Variants in OXA1L observed in about 807,000 individuals in gnomAD.
OXA1L encodes the protein OXA1L mitochondrial inner membrane insertase, also known as mitochondrial inner membrane protein OXA1L.
Under a neutral mutation model 52.2 loss-of-function variants are expected in OXA1L, and 42 were observed. The ratio of observed to expected loss-of-function variants is 0.80; its 90% CI spans 0.63 to 1.04. OXA1L has a LOEUF of 1.04. Ranked by LOEUF, OXA1L falls within the 50% of genes least tolerant of loss-of-function variation. The pLI is 0.00. For synonymous variants in OXA1L, 239 were observed against 201.9 expected (o/e 1.18, Z -1.56); for missense variants, 572 against 555.0 (o/e 1.03, Z -0.31).
At position 22,770,794 on chromosome 14, in the gene OXA1L, TC is replaced by T. The variant is rs1221473850; in HGVS notation, c.835-10del. Reference sequence around the variant, plus strand: ...GCTTTCCCGACTTTTCCACCCCACTTCTTTTGGCAGCTAGGTGCTGAGACAG... The same window carrying T: ...GCTTTCCCGACTTTTCCACCCCACTTTTTTGGCAGCTAGGTGCTGAGACAG... On this transcript the variant is annotated splice_polypyrimidine_tract_variant and intron_variant, in intron 6 of 9. Transcript: ENST00000612549. 1.2e-6 allele frequency: 2 copies of T among 1,612,776 alleles called. No individual in the cohort carries two copies. Among genetic ancestry groups the T allele is most frequent in the Non-Finnish European group, 1.7e-6 (2 of 1,178,854 alleles).
Position 22,766,753 on chromosome 14 carries a change from TCCGG to T in OXA1L, c.53_56del (p.Ser18CysfsTer18). The T allele has an allele frequency of 6.2e-7, 1 of 1,614,200 alleles. No individual in the cohort carries two copies. The highest frequency in any genetic ancestry group is 8.5e-7 in the Non-Finnish European group (1 of 1,180,042). Reference sequence around the variant, plus strand: ...CCGGGAGCTTCTGCGCTTGCTACAGTCCGGGCGTCGGGTAAGGATGCCCCGGGGC... The same window carrying T: ...CCGGGAGCTTCTGCGCTTGCTACAGTGCGTCGGGTAAGGATGCCCCGGGGC... On this transcript the variant is annotated frameshift_variant, in exon 1 of 10. Transcript: ENST00000612549. LOFTEE classifies it high-confidence loss of function.
At chr14:22,767,816 G>T (rs1241532382) in intron 2 of OXA1L, 142 bp from the exon 3 acceptor site, 1 of 608,316 alleles carries the variant, frequency 1.6e-6, no homozygotes, top group Non-Finnish European at 2.8e-6. Flanking sequence ...TCCTTTTTAA[G>T]CTTGAAATCT....
Position 22,771,299 on chromosome 14 carries a change from G to A in OXA1L, c.1134G>A (p.Leu378=). 2 of 1,614,202 alleles carry A rather than the reference G, an allele frequency of 1.2e-6. No homozygotes were observed. The highest frequency in any genetic ancestry group is 1.7e-6 in the Non-Finnish European group (2 of 1,180,010). Residue 378 remains leucine, a synonymous_variant, in exon 9 of 10, where the codon CTG becomes CTA. Transcript: ENST00000612549. The stretch of plus-strand genomic sequence containing the variant: ...AAAATGCTGAAATGACGCGTCAGCT[G>A]CGAGAGCGTGAACAACGCATGCGGA... ...GWKNAEMTRQ[L]REREQRMRNQ... is the part of the protein sequence containing the mutation.
chr14:22,766,932 T>G lies in OXA1L; in HGVS notation c.63+168T>G, dbSNP rs1594937423. ...GCGCTAGGGTTAGTCCCCGACACTATGGGCCCAGCAGCCCGGTGTCAGCTT... is the reference window on the plus strand; with the variant it reads ...GCGCTAGGGTTAGTCCCCGACACTAGGGGCCCAGCAGCCCGGTGTCAGCTT... On this transcript the variant is annotated intron_variant, in intron 1 of 9. Transcript: ENST00000612549. 32 of 1,513,164 alleles carry G rather than the reference T, an allele frequency of 2.1e-5. No homozygotes were observed. The East Asian group carries it at 7.8e-4, about 37-fold the overall frequency. The allele number at this position is 1,513,164 out of a possible 1,614,324, so 93.7% of individuals were successfully genotyped here. A position where few individuals can be genotyped will look rare whatever the true frequency, so the allele number is the denominator to read the frequency against.
chr14:22,767,030 A>G (rs2038411864), intron 1 of OXA1L: 1 of 1,535,948 alleles, frequency 6.5e-7, no homozygotes, highest in Non-Finnish European at 8.7e-7. Context: ...GGTCTGCGAT[A>G]ACTGAGATGC....
rs759601857 is a variant in OXA1L, at chr14:22,767,348, T to C, written c.164T>C (p.Phe55Ser). Residue 55 changes from phenylalanine to serine, a missense_variant, in exon 2 of 10, where the codon TTC (phenylalanine) becomes TCC (serine). By Grantham distance (155) the Phe-to-Ser change is radical. Transcript: ENST00000612549. ...TGCTGCTGTCGCCCACACTACCTCTTCCTTGCGGCTTCCGGCCCCCGCAGC... is the reference window on the plus strand; with the variant it reads ...TGCTGCTGTCGCCCACACTACCTCTCCCTTGCGGCTTCCGGCCCCCGCAGC... ...APCCCRPHYL[F>S]LAASGPRSLS... The C allele has an allele frequency of 3.1e-6, 5 of 1,613,790 alleles. No homozygotes were observed. The highest frequency in any genetic ancestry group is 4.2e-6 in the Non-Finnish European group (5 of 1,179,934).
intron 1 of OXA1L, 200 bp from the exon 2 acceptor site, chr14:22,767,048 C>G: frequency 6.5e-7 from 1 of 1,536,136 alleles, no homozygotes; most frequent in Non-Finnish European, 8.7e-7. Context: ...TGCGGGGAAC[C>G]CAGGTTCGAG....
At position 22,771,425 on chromosome 14, in the gene OXA1L, T is replaced by A. The variant is rs994831624; in HGVS notation, c.1184-9T>A. The stretch of plus-strand genomic sequence containing the variant: ...CTTCGTTGAAATTTGTTTTCTCTTC[T>A]CCCCTCAGGTCCTTTACGACAGACC... On this transcript the variant is annotated splice_polypyrimidine_tract_variant and intron_variant, in intron 9 of 9. Transcript: ENST00000612549. 1 of 1,613,930 alleles carries A rather than the reference T, an allele frequency of 6.2e-7. No individual in the cohort carries two copies. Among genetic ancestry groups the A allele is most frequent in the Non-Finnish European group, 8.5e-7 (1 of 1,179,934 alleles).
Position 22,769,685 on chromosome 14 carries a change from T to C in OXA1L, c.440-106T>C, listed in dbSNP as rs140579172. On this transcript the variant is annotated intron_variant, in intron 3 of 9. Transcript: ENST00000612549. ...GGCCTCTTAGGCATGAGTCATAGAA[T>C]GGACAAGGCAAGAATAAGACCCTTT... 1.6e-5 allele frequency: 19 copies of C among 1,204,654 alleles called. No individual in the cohort carries two copies. In the East Asian group the frequency reaches 3.8e-4, roughly 24 times the overall value. The allele number at this position is 1,204,654 out of a possible 1,614,324, so 74.6% of individuals were successfully genotyped here. A position where few individuals can be genotyped will look rare whatever the true frequency, so the allele number is the denominator to read the frequency against.
rs2038423607 is a variant in OXA1L at position 22,767,953 on chromosome 14, C to T, written c.226-5C>T. ...AAATATAATACAAGGCTTTCTTTCA[C>T]ACAGGTTCAGGCCCCTCCTGTTGTT... On this transcript the variant is annotated splice_region_variant and splice_polypyrimidine_tract_variant and intron_variant, in intron 2 of 9. Transcript: ENST00000612549. The T allele has an allele frequency of 6.2e-7, 1 of 1,603,198 alleles. No individual in the cohort carries two copies. Among genetic ancestry groups the T allele is most frequent in the Non-Finnish European group, 8.5e-7 (1 of 1,172,254 alleles).
Position 22,767,945 on chromosome 14 carries a change from T to C in OXA1L, c.226-13T>C. On this transcript the variant is annotated splice_polypyrimidine_tract_variant and intron_variant, in intron 2 of 9. Coordinates refer to ENST00000612549, the MANE Select transcript of OXA1L (RefSeq NM_005015.5). ...TACTGAATAAATATAATACAAGGCT[T>C]TCTTTCACACAGGTTCAGGCCCCTC... is the stretch of plus-strand genomic sequence containing the variant. 1 of 1,597,998 alleles carries C rather than the reference T, an allele frequency of 6.3e-7. No individual in the cohort carries two copies. The highest frequency in any genetic ancestry group is 8.6e-7 in the Non-Finnish European group (1 of 1,168,216).
Position 22,772,266 on chromosome 14 carries a change from C to G in OXA1L, c.*708C>G, listed in dbSNP as rs1411876052. The G allele has an allele frequency of 6.7e-6, 1 of 149,378 alleles. No homozygotes were observed. The highest frequency in any genetic ancestry group is 1.5e-5 in the Non-Finnish European group (1 of 67,628). 9.3% of individuals were successfully genotyped at this position (149,378 alleles called of 1,614,324 possible). On this transcript the variant is annotated 3_prime_UTR_variant, in exon 10 of 10. Transcript: ENST00000612549. ...TTGGGAGGCCAAGGCGGGCGGATCACGAAGTCAGCAGATCGAGACCATCCT... is the reference window on the plus strand; with the variant it reads ...TTGGGAGGCCAAGGCGGGCGGATCAGGAAGTCAGCAGATCGAGACCATCCT...
rs1484819734 is a variant in OXA1L at position 22,772,290 on chromosome 14, C to T, written c.*732C>T. ...ACGAAGTCAGCAGATCGAGACCATC[C>T]TGGCCAACATGGTGAAACCCCGTCT... On this transcript the variant is annotated 3_prime_UTR_variant, in exon 10 of 10. Coordinates refer to ENST00000612549, the MANE Select transcript of OXA1L (RefSeq NM_005015.5). 3 of 149,396 alleles carry T rather than the reference C, an allele frequency of 2.0e-5. No individual in the cohort carries two copies. Among genetic ancestry groups the T allele is most frequent in the African/African-American group, 4.9e-5 (2 of 40,506 alleles). The allele number at this position is 149,396 out of a possible 1,614,324, so 9.3% of individuals were successfully genotyped here. A position where few individuals can be genotyped will look rare whatever the true frequency, so the allele number is the denominator to read the frequency against.
rs989330531 is a variant in OXA1L, at chr14:22,772,455, C to T, written c.*897C>T. On this transcript the variant is annotated 3_prime_UTR_variant, in exon 10 of 10. Coordinates refer to ENST00000612549, the MANE Select transcript of OXA1L (RefSeq NM_005015.5). ...AGTGAGCCGAGATTGCGCCACTGCA[C>T]TCCAGCCTGGGCAAGAGAGTGAGAC... is the stretch of plus-strand genomic sequence containing the variant. 1.6e-5 allele frequency: 2 copies of T among 128,428 alleles called. No homozygotes were observed. The highest frequency in any genetic ancestry group is 6.0e-5 in the African/African-American group (2 of 33,224). 8.0% of individuals were successfully genotyped at this position (128,428 alleles called of 1,614,324 possible). A position where few individuals can be genotyped will look rare whatever the true frequency, so the allele number is the denominator to read the frequency against.
chr14:22,767,668 C>G, intron 2 of OXA1L: 1 of 496,912 alleles, frequency 2.0e-6, no homozygotes, highest in Non-Finnish European at 3.5e-6. Flanking sequence ...TAATATATGG[C>G]AAAAATCATG....
chr14:22,771,649 C>T lies in OXA1L; in HGVS notation c.*91C>T, dbSNP rs1029277566. On this transcript the variant is annotated 3_prime_UTR_variant, in exon 10 of 10. Transcript: ENST00000612549. ...TTGACACTGTGTCCTTGCCCCAGTC[C>T]TAGGAACTGTGGCACACAGAGATGT... 7.6e-7 allele frequency: 1 copy of T among 1,322,254 alleles called. No individual in the cohort carries two copies. Among genetic ancestry groups the T allele is most frequent in the Admixed American group, 1.7e-5 (1 of 57,474 alleles). 81.9% of individuals were successfully genotyped at this position (1,322,254 alleles called of 1,614,324 possible).
rs2038466706 is a variant in OXA1L at position 22,771,637 on chromosome 14, C to T, written c.*79C>T. ...TCAAAACAAGACTTGACACTGTGTC[C>T]TTGCCCCAGTCCTAGGAACTGTGGC... On this transcript the variant is annotated 3_prime_UTR_variant, in exon 10 of 10. Coordinates refer to ENST00000612549, the MANE Select transcript of OXA1L (RefSeq NM_005015.5). The T allele has an allele frequency of 3.5e-6, 5 of 1,448,988 alleles. No individual in the cohort carries two copies. Among genetic ancestry groups the T allele is most frequent in the Non-Finnish European group, 9.7e-7 (1 of 1,034,230 alleles). The allele number at this position is 1,448,988 out of a possible 1,614,324, so 89.8% of individuals were successfully genotyped here.
At chr14:22,766,891 C>A in intron 1 of OXA1L, 127 bp downstream of exon 1, 1 of 1,541,656 alleles carries the variant, frequency 6.5e-7, no homozygotes. Flanking sequence ...GTCATGACCT[C>A]GGGTCATGTG....
At chr14:22,767,810 T>TTTTAAGC in intron 2 of OXA1L, 148 bp from the exon 3 acceptor site, 1 of 597,702 alleles carries the variant, frequency 1.7e-6, no homozygotes, top group Non-Finnish European at 2.9e-6. Flanking sequence ...GAGATGTCCT[T>TTTTAAGC]TTTAAGCTTG....
Sources: allele counts gnomAD v4.1 joint callset, GRCh38; gene constraint gnomAD v4.1.1; transcripts MANE v1.5; gene names NCBI Gene and HGNC (gene_info 2026-07-23, HGNC 2026-07-21).